Variants in NCAM1 observed in about 807,000 individuals in gnomAD.
NCAM1 encodes the protein neural cell adhesion molecule 1, also known as antigen recognized by monoclonal antibody 5.1H11.
In NCAM1, 14 loss-of-function variants were observed where a neutral mutation model predicts 109.8. The ratio of observed to expected loss-of-function variants is 0.13; its 90% CI spans 0.08 to 0.20. NCAM1 has a LOEUF of 0.20. Ranked by LOEUF, NCAM1 falls within the 10% of genes least tolerant of loss-of-function variation. The pLI is 1.00. For missense variants in NCAM1, 774 were observed against 1,109.9 expected (o/e 0.70, Z 4.30); for synonymous variants, 418 against 442.9 (o/e 0.94, Z 0.70).
At chr11:113,162,686 G>C (rs1430680850) in intron 1 of NCAM1, among the ~76,000 whole-genome samples, 1 of 152,158 alleles carries the variant, frequency 6.6e-6, no homozygotes, top group Non-Finnish European at 1.5e-5. Context: ...ATGTGGGACT[G>C]TCTAAATGTT....
At chr11:113,136,235 G>A (rs1416471656) in intron 1 of NCAM1, among the ~76,000 whole-genome samples, 11 of 152,204 alleles carry the variant, frequency 7.2e-5, no homozygotes, top group African/African-American at 2.4e-4. Flanking sequence ...GGTAGTCTTC[G>A]GAAGTCCATC....
chr11:113,267,861 AG>A (rs1400302173), intron 17 of NCAM1, among the ~76,000 whole-genome samples: 1 of 152,204 alleles, frequency 6.6e-6, no homozygotes, highest in Non-Finnish European at 1.5e-5. Flanking sequence ...GCAGCTTTGC[AG>A]GAGTTTATTT....
At chr11:113,147,038 GT>G (rs138923574) in intron 1 of NCAM1, among the ~76,000 whole-genome samples, 5,748 of 152,236 alleles carry the variant, frequency 0.038, 469 homozygotes, top group East Asian at 0.15. Context: ...CAATTGATAA[GT>G]TTCCTAGTTG....
chr11:113,259,952 C>T (rs782562748), intron 16 of NCAM1, 194 bp from the exon 17 acceptor site: 21 of 486,336 alleles, frequency 4.3e-5, no homozygotes, highest in Non-Finnish European at 6.8e-5. Context: ...GATCCACCCG[C>T]CTCGGCCTCC....
intron 1 of NCAM1, among the ~76,000 whole-genome samples, chr11:112,976,052 T>C (rs1950997028): frequency 6.6e-6 from 1 of 151,974 alleles, no homozygotes; most frequent in Non-Finnish European, 1.5e-5. Context: ...TACTGAGTTA[T>C]ATTTTTGCTG....
chr11:113,104,921 A>G lies in NCAM1; in HGVS notation c.53-97458A>G, dbSNP rs530773029. Among the ~76,000 whole-genome samples the G allele has an allele frequency of 1.6e-4, 24 of 152,242 alleles. No individual in the cohort carries two copies. The East Asian group carries it at 3.9e-3, about 24-fold the overall frequency. ...GAATATTTTAATCAAATAGGCTGTG[A>G]CTCTTTTATTAACTTCTCTGTTTAT... On this transcript the variant is annotated intron_variant, in intron 1 of 19. Transcript: ENST00000316851.
chr11:113,065,675 G>A (rs1211732426), intron 1 of NCAM1, among the ~76,000 whole-genome samples: 4 of 152,154 alleles, frequency 2.6e-5, no homozygotes, highest in African/African-American at 9.7e-5. Context: ...AATCTGTCAA[G>A]GTTATCAGAA....
intron 1 of NCAM1, among the ~76,000 whole-genome samples, chr11:112,986,069 G>A (rs1951294554): frequency 6.6e-6 from 1 of 151,742 alleles, no homozygotes; most frequent in South Asian, 2.1e-4. Context: ...CCTTTATTAT[G>A]TTGAGATACA....
intron 1 of NCAM1, among the ~76,000 whole-genome samples, chr11:113,082,538 G>A (rs55779154): frequency 6.6e-6 from 1 of 152,170 alleles, no homozygotes; most frequent in East Asian, 1.9e-4. Flanking sequence ...ACTTTTCATC[G>A]GCTGGAAGTA....
intron 1 of NCAM1, among the ~76,000 whole-genome samples, chr11:112,990,359 C>T (rs1330891315): frequency 6.6e-6 from 1 of 152,140 alleles, no homozygotes; most frequent in Admixed American, 6.5e-5. Flanking sequence ...ACAGCTGGGA[C>T]TAAGCTCAGC....
At chr11:113,206,358 T>C (rs1305062110) in intron 5 of NCAM1, among the ~76,000 whole-genome samples, 178 bp downstream of exon 5, 11 of 147,804 alleles carry the variant, frequency 7.4e-5, no homozygotes, top group Non-Finnish European at 1.3e-4. Context: ...TTTTTTTTAA[T>C]ATACTTGCCT....
intron 1 of NCAM1, among the ~76,000 whole-genome samples, chr11:113,051,259 T>C (rs1953476618): frequency 1.3e-5 from 2 of 152,244 alleles, no homozygotes; most frequent in South Asian, 4.1e-4. Context: ...GCACTTAAGT[T>C]CCAATTTAAG....
chr11:112,996,920 G>A (rs1222811500), intron 1 of NCAM1, among the ~76,000 whole-genome samples: 1 of 152,208 alleles, frequency 6.6e-6, no homozygotes, highest in East Asian at 1.9e-4. Flanking sequence ...TTACTGGTAA[G>A]GGTAACAGAA....
chr11:113,257,371 C>CA (rs1428442206), intron 16 of NCAM1, among the ~76,000 whole-genome samples: 1 of 152,222 alleles, frequency 6.6e-6, no homozygotes, highest in Non-Finnish European at 1.5e-5. Flanking sequence ...CCTAATCTTT[C>CA]AGAACTTCAA....
intron 1 of NCAM1, among the ~76,000 whole-genome samples, chr11:113,027,016 C>T (rs1476022136): frequency 6.6e-6 from 1 of 152,218 alleles, no homozygotes; most frequent in Non-Finnish European, 1.5e-5. Flanking sequence ...TAAGCAGGCT[C>T]ACAGAGAAGG....
intron 7 of NCAM1, among the ~76,000 whole-genome samples, chr11:113,212,390 C>T (rs1198122339): frequency 6.6e-6 from 1 of 152,176 alleles, no homozygotes; most frequent in Non-Finnish European, 1.5e-5. Context: ...TCACACAATG[C>T]ACCTTCTGTA....
intron 3 of NCAM1, among the ~76,000 whole-genome samples, 183 bp from the exon 4 acceptor site, chr11:113,205,340 C>T (rs1049393567): frequency 2.0e-5 from 3 of 152,160 alleles, no homozygotes; most frequent in African/African-American, 7.2e-5. Context: ...GGTTGCCAAG[C>T]ATTGGTAACC....
intron 9 of NCAM1, among the ~76,000 whole-genome samples, chr11:113,223,398 T>A (rs1555115655): frequency 6.6e-6 from 1 of 152,046 alleles, no homozygotes; most frequent in Non-Finnish European, 1.5e-5. Context: ...GTGGACATCA[T>A]TAAACAGGAG....
intron 1 of NCAM1, among the ~76,000 whole-genome samples, chr11:113,004,280 G>A (rs1951834150): frequency 6.6e-6 from 1 of 152,118 alleles, no homozygotes; most frequent in Non-Finnish European, 1.5e-5. Flanking sequence ...GGATCACAAG[G>A]TCAGGAGTTC....
Sources: allele counts gnomAD v4.1 joint callset (sites outside exome capture counted in the v4.1 genomes callset), GRCh38; gene constraint gnomAD v4.1.1; transcripts MANE v1.5; gene names NCBI Gene and HGNC (gene_info 2026-07-23, HGNC 2026-07-21).